The following SSTR3 variants were observed in gnomAD, a reference collection of about 807,000 sequenced individuals.
The protein encoded by SSTR3 is somatostatin receptor type 3.
For missense variants in SSTR3, 504 were observed against 604.7 expected, an observed-to-expected ratio of 0.83 and a Z score of 1.75; for synonymous variants, 281 against 269.2, an observed-to-expected ratio of 1.04 and a Z score of -0.43.
At position 37,206,907 on chromosome 22, in the gene SSTR3, C is replaced by T; in HGVS notation, c.897G>A (p.Val299=). 1.2e-6 allele frequency: 2 copies of T among 1,613,596 alleles called. No homozygotes were observed. The highest frequency in any genetic ancestry group is 8.5e-7 in the Non-Finnish European group (1 of 1,180,030). ...CACAGCTGTTGGCATAGGGCAGCGC[C>T]ACCACCAGGAAGTAGAGCCCAAAGA... ...PAFFGLYFLV[V]ALPYANSCAN... is the part of the protein sequence containing the mutation. The change falls in exon 2 of 2, where the codon GTG becomes GTA. Residue 299 remains valine (V), a synonymous_variant. Coordinates refer to ENST00000610913, the MANE Select transcript of SSTR3 (RefSeq NM_001051.5).
chr22:37,209,984 A>G (rs768366144), intron 1 of SSTR3, among the ~76,000 whole-genome samples: 13 of 152,230 alleles, frequency 8.5e-5, no homozygotes, highest in Non-Finnish European at 1.5e-4. Context: ...GAATCAGAGA[A>G]TGTTAGAATT....
chr22:37,214,552 A>C (rs1014008918), upstream of SSTR3, among the ~76,000 whole-genome samples: 3 of 152,126 alleles, frequency 2.0e-5, no homozygotes, highest in Non-Finnish European at 4.4e-5. Flanking sequence ...ATGTAAATGA[A>C]ATCTGTATGT....
rs147112799 is a variant in SSTR3, at chr22:37,207,304, A to G, written c.500T>C (p.Val167Ala). Residue 167 changes from valine (V) to alanine (A), a missense_variant, in exon 2 of 2, where the codon GTG (valine) becomes GCG (alanine). By Grantham distance (64) the Val-to-Ala change is moderately conservative. Transcript: ENST00000610913. ...APVARTVSAA[V>A]WVASAVVVLP... is the part of the protein sequence containing the mutation. Reference sequence around the variant, plus strand: ...CACCACCACGGCTGAGGCCACCCACACAGCCGCGCTGACCGTGCGGGCCAC... The same window carrying G: ...CACCACCACGGCTGAGGCCACCCACGCAGCCGCGCTGACCGTGCGGGCCAC... 4 of 1,590,460 alleles carry G rather than the reference A, an allele frequency of 2.5e-6. No homozygotes were observed. The highest frequency in any genetic ancestry group is 1.3e-5 in the African/African-American group (1 of 74,430).
chr22:37,205,545 A>T lies in SSTR3; in HGVS notation c.*1002T>A, dbSNP rs1211371569. ...ACTCTGCCTTTCCATGCCAGTCCTCATGGGCTGGGTCCCTGTCTCGGTCTC... is the reference window on the plus strand; with the variant it reads ...ACTCTGCCTTTCCATGCCAGTCCTCTTGGGCTGGGTCCCTGTCTCGGTCTC... On this transcript the variant is annotated 3_prime_UTR_variant, in exon 2 of 2. Transcript: ENST00000610913. 1 of 151,732 alleles carries T rather than the reference A, an allele frequency of 6.6e-6. No homozygotes were observed. The highest frequency in any genetic ancestry group is 6.6e-5 in the Admixed American group (1 of 15,230). 9.4% of individuals were successfully genotyped at this position (151,732 alleles called of 1,614,324 possible).
rs773634216 is a variant in SSTR3, at chr22:37,206,883, A to C, written c.921T>G (p.Cys307Trp). The change falls in exon 2 of 2, where the codon TGT becomes TGG. Residue 307 changes from cysteine to tryptophan, a missense_variant. Transcript: ENST00000610913. ...LVVALPYANS[C>W]ANPILYGFLS... ...GGAAGCCATAAAGGATGGGGTTGGC[A>C]CAGCTGTTGGCATAGGGCAGCGCCA... 4.3e-6 allele frequency: 7 copies of C among 1,613,540 alleles called. No homozygotes were observed. The South Asian group carries it at 7.7e-5, about 18-fold the overall frequency.
Position 37,212,191 on chromosome 22 carries a change from G to A in SSTR3, c.-403C>T. On this transcript the variant is annotated 5_prime_UTR_variant, in exon 1 of 2. Transcript: ENST00000610913. ...CCAATAGAAATAGAGGGGAAAGGGG[G>A]TCGGGAGGAGGTGGAGAAAGAGAGA... 1.0e-6 allele frequency: 1 copy of A among 981,320 alleles called. No homozygotes were observed. The highest frequency in any genetic ancestry group is 4.7e-5 in the South Asian group (1 of 21,134). 60.8% of individuals were successfully genotyped at this position (981,320 alleles called of 1,614,324 possible).
chr22:37,218,597 T>C, the SSTR3 span, among the ~76,000 whole-genome samples: 5 of 152,032 alleles, frequency 3.3e-5, no homozygotes, highest in Non-Finnish European at 7.4e-5. Context: ...CTCTGGAGCA[T>C]GGTAGGAGTG....
In SSTR3 at chr22:37,207,091, C is replaced by T. The variant is rs756595845; in HGVS notation, c.713G>A (p.Arg238His). Residue 238 changes from arginine (R) to histidine (H), a missense_variant, in exon 2 of 2, where the codon CGC (arginine) becomes CAC (histidine). Physicochemically the swap from Arg to His is conservative, Grantham distance 29. Coordinates refer to ENST00000610913, the MANE Select transcript of SSTR3 (RefSeq NM_001051.5). Reference sequence around the variant, plus strand: ...CTGGCACGAGGGTGCCCACACCCGGCGCCCAGCTGAGCGCACCTTCACCAC... The same window carrying T: ...CTGGCACGAGGGTGCCCACACCCGGTGCCCAGCTGAGCGCACCTTCACCAC... Reference protein sequence around the residue: ...LIVVKVRSAGRRVWAPSCQRR... With the variant: ...LIVVKVRSAGHRVWAPSCQRR... 44 of 1,612,274 alleles carry T rather than the reference C, an allele frequency of 2.7e-5. No homozygotes were observed. The highest frequency in any genetic ancestry group is 3.3e-5 in the South Asian group (3 of 91,074).
At chr22:37,208,732 G>A (rs1926003617) in intron 1 of SSTR3, among the ~76,000 whole-genome samples, 1 of 152,090 alleles carries the variant, frequency 6.6e-6, no homozygotes, top group African/African-American at 2.4e-5. Flanking sequence ...AGAAGAAGCT[G>A]GGGCTCCTCT....
At chr22:37,216,627 T>C (rs115072591), upstream of SSTR3, among the ~76,000 whole-genome samples, 1,715 of 152,348 alleles carry the variant, frequency 0.011, 23 homozygotes, top group African/African-American at 0.039. Context: ...TCCTCTTATC[T>C]GGGCCAGCTG....
At chr22:37,213,765 C>T (rs986051109), upstream of SSTR3, among the ~76,000 whole-genome samples, 5 of 152,180 alleles carry the variant, frequency 3.3e-5, no homozygotes, top group African/African-American at 9.7e-5. Flanking sequence ...CTTCTCACTG[C>T]CCTCAGAATA....
chr22:37,204,418 C>T lies in SSTR3; in HGVS notation c.*2129G>A, dbSNP rs1210223608. 1 of 152,352 alleles carries T rather than the reference C, an allele frequency of 6.6e-6. No individual in the cohort carries two copies. Among genetic ancestry groups the T allele is most frequent in the African/African-American group, 2.4e-5 (1 of 41,434 alleles). 9.4% of individuals were successfully genotyped at this position (152,352 alleles called of 1,614,324 possible). ...TCCTCCCTTGGACCCTCAGATCTTC[C>T]TCAAGAAACCCCAGACCAAGTCCCA... is the stretch of plus-strand genomic sequence containing the variant. On this transcript the variant is annotated 3_prime_UTR_variant, in exon 2 of 2. Coordinates refer to ENST00000610913, the MANE Select transcript of SSTR3 (RefSeq NM_001051.5).
chr22:37,206,317 A>G lies in SSTR3; in HGVS notation c.*230T>C, dbSNP rs747405401. 1.6e-6 allele frequency: 1 copy of G among 618,838 alleles called. No individual in the cohort carries two copies. Among genetic ancestry groups the G allele is most frequent in the Non-Finnish European group, 2.6e-6 (1 of 381,014 alleles). 38.3% of individuals were successfully genotyped at this position (618,838 alleles called of 1,614,324 possible). On this transcript the variant is annotated 3_prime_UTR_variant, in exon 2 of 2. Coordinates refer to ENST00000610913, the MANE Select transcript of SSTR3 (RefSeq NM_001051.5). ...GTGCCCTCCAAACCTCTCATCTGAC[A>G]TAGCTCATCCAGGCTGATGACTCCT...
chr22:37,216,196 A>AC (rs1042224171), upstream of SSTR3, among the ~76,000 whole-genome samples: 31 of 92,316 alleles, frequency 3.4e-4, no homozygotes, highest in East Asian at 9.3e-4. Flanking sequence ...CATCCCTCCC[A>AC]CCCCCCCATC....
intron 1 of SSTR3, among the ~76,000 whole-genome samples, chr22:37,208,668 G>GC (rs1177428170): frequency 3.3e-5 from 5 of 152,266 alleles, no homozygotes; most frequent in Admixed American, 2.0e-4. Flanking sequence ...ATAAGCAAGA[G>GC]CCCCCCCGCA....
chr22:37,211,704 C>G lies in SSTR3; in HGVS notation c.-37+121G>C, dbSNP rs191740503. On this transcript the variant is annotated intron_variant, in intron 1 of 1. Transcript: ENST00000610913. The stretch of plus-strand genomic sequence containing the variant: ...AGGTCACAGGAAGGCCTCCCTCCTG[C>G]CTCCCTGGGAGTCCCCACCCTCTGC... 12 of 970,908 alleles carry G rather than the reference C, an allele frequency of 1.2e-5. No individual in the cohort carries two copies. In the African/African-American group the frequency reaches 1.6e-4, roughly 13 times the overall value. The allele number at this position is 970,908 out of a possible 1,614,324, so 60.1% of individuals were successfully genotyped here.
upstream of SSTR3, among the ~76,000 whole-genome samples, chr22:37,216,804 T>TTTTG (rs1926469440): frequency 6.6e-6 from 1 of 152,146 alleles, no homozygotes; most frequent in Non-Finnish European, 1.5e-5. Context: ...TTTTGTTTTG[T>TTTTG]TTTGTTTTGT....
At position 37,206,840 on chromosome 22, in the gene SSTR3, G is replaced by C; in HGVS notation, c.964C>G (p.Gln322Glu). The C allele has an allele frequency of 6.2e-7, 1 of 1,613,144 alleles. No individual in the cohort carries two copies. The highest frequency in any genetic ancestry group is 8.5e-7 in the Non-Finnish European group (1 of 1,180,018). ...CGCAGCAGGACCCTGCGGAAGCCCT[G>C]CTTGAAGCGGTAGGAGAGGAAGCCA... Reference protein sequence around the residue: ...LYGFLSYRFKQGFRRVLLRPS... With the variant: ...LYGFLSYRFKEGFRRVLLRPS... The change falls in exon 2 of 2, where the codon CAG (glutamine) becomes GAG (glutamate). Residue 322 changes from glutamine to glutamate, a missense_variant. Gln to Glu is a conservative substitution (Grantham distance 29). Transcript: ENST00000610913.
At position 37,206,568 on chromosome 22, in the gene SSTR3, C is replaced by T. The variant is rs765709409; in HGVS notation, c.1236G>A (p.Thr412=). 3.1e-6 allele frequency: 5 copies of T among 1,608,588 alleles called. No individual in the cohort carries two copies. Among genetic ancestry groups the T allele is most frequent in the Non-Finnish European group, 4.2e-6 (5 of 1,177,408 alleles). Residue 412 remains threonine, a synonymous_variant, in exon 2 of 2, where the codon ACG becomes ACA. Transcript: ENST00000610913. ...GCCCCTACAGGTAGCTGATGCGCAT[C>T]GTGCTGGACTTCTCCCCAGTGGAAG... ...QEASTGEKSS[T]MRISYL
Sources: gnomAD v4.1 joint callset for allele counts (sites outside exome capture counted in the v4.1 genomes callset) on GRCh38, gnomAD v4.1.1 for gene constraint, MANE v1.5 for transcripts, NCBI Gene and HGNC (gene_info 2026-07-23, HGNC 2026-07-21) for gene names.